CEP128: variants seen among roughly 807,000 people sequenced by gnomAD.
The protein encoded by CEP128 is centrosomal protein 128.
CEP128 carries 132 observed loss-of-function variants against 156.7 expected under a neutral mutation model. The ratio of observed to expected loss-of-function variants is 0.84; its 90% confidence interval spans 0.73 to 0.97. The LOEUF (loss-of-function observed/expected upper bound fraction) is 0.97. Among genes scored for constraint, CEP128 ranks in the 50% least tolerant of loss-of-function variants. The probability of loss-of-function intolerance (pLI) is 0.00; values close to 1 mark genes in which losing one functional copy is unlikely to be tolerated. For missense variants in CEP128, 1,252 were observed against 1,281.9 expected (o/e 0.98, Z 0.36); for synonymous variants, 469 against 448.9 (o/e 1.04, Z -0.57).
chr14:80,638,450 G>T (rs1894279289), intron 19 of CEP128, among the ~76,000 whole-genome samples: 1 of 152,106 alleles, frequency 6.6e-6, no homozygotes, highest in Admixed American at 6.5e-5. Flanking sequence ...GGGCACAGAG[G>T]ACCTGGAATG....
chr14:80,809,733 G>A (rs959488312), intron 13 of CEP128, among the ~76,000 whole-genome samples: 1 of 151,772 alleles, frequency 6.6e-6, no homozygotes, highest in African/African-American at 2.4e-5. Flanking sequence ...AAAAGCAGGG[G>A]AAAAAGCATA....
At chr14:80,546,645 A>T (rs1266640461) in intron 21 of CEP128, among the ~76,000 whole-genome samples, 1 of 152,202 alleles carries the variant, frequency 6.6e-6, no homozygotes. Context: ...TTCTAAAGCC[A>T]CTATATAGTT....
intron 19 of CEP128, among the ~76,000 whole-genome samples, chr14:80,604,016 A>G (rs1440650859): frequency 6.6e-6 from 1 of 152,198 alleles, no homozygotes; most frequent in East Asian, 1.9e-4. Flanking sequence ...AGGTAAAAAC[A>G]AAAAGTTATT....
intron 9 of CEP128, among the ~76,000 whole-genome samples, chr14:80,848,646 TAAG>T (rs1886729680): frequency 1.4e-5 from 2 of 142,782 alleles, no homozygotes; most frequent in South Asian, 4.4e-4. Context: ...GGAGACAGAG[TAAG>T]ACTACATTTC....
chr14:80,868,159 T>A (rs1257758218), intron 8 of CEP128, among the ~76,000 whole-genome samples: 1 of 152,078 alleles, frequency 6.6e-6, no homozygotes. Flanking sequence ...CAAGACAAAA[T>A]GAAAGAATGC....
intron 2 of CEP128, among the ~76,000 whole-genome samples, chr14:80,956,652 A>C (rs1886709934): frequency 6.6e-6 from 1 of 150,498 alleles, no homozygotes; most frequent in African/African-American, 2.5e-5. Context: ...GGACAGTAAA[A>C]CAACCTAGGC....
chr14:80,816,830 A>G (rs1884887067), intron 13 of CEP128, among the ~76,000 whole-genome samples: 1 of 152,150 alleles, frequency 6.6e-6, no homozygotes, highest in African/African-American at 2.4e-5. Flanking sequence ...AAAAAATCAA[A>G]CAAAGAGACG....
chr14:80,848,302 G>C (rs916334617), intron 9 of CEP128, among the ~76,000 whole-genome samples: 19 of 152,154 alleles, frequency 1.2e-4, no homozygotes, highest in Non-Finnish European at 2.4e-4. Flanking sequence ...GAGGTACATG[G>C]TATATCCATG....
intron 23 of CEP128, among the ~76,000 whole-genome samples, chr14:80,506,718 C>T (rs182050873): frequency 9.2e-5 from 14 of 152,022 alleles, no homozygotes; most frequent in Admixed American, 3.3e-4. Flanking sequence ...ATACAATGTA[C>T]GTAAGTGCAA....
At chr14:80,574,981 A>G (rs1891296572) in intron 20 of CEP128, among the ~76,000 whole-genome samples, 1 of 152,060 alleles carries the variant, frequency 6.6e-6, no homozygotes, top group African/African-American at 2.4e-5. Flanking sequence ...ACAGCATGGC[A>G]CTAATGATAT....
chr14:80,553,073 T>G (rs1395740054), intron 21 of CEP128, among the ~76,000 whole-genome samples: 1 of 96,228 alleles, frequency 1.0e-5, no homozygotes, highest in Non-Finnish European at 2.0e-5. Flanking sequence ...TTTTCTTTCT[T>G]TCTTTCTTTC....
intron 19 of CEP128, among the ~76,000 whole-genome samples, chr14:80,669,830 G>T (rs2050313362): frequency 6.6e-6 from 1 of 152,104 alleles, no homozygotes; most frequent in Non-Finnish European, 1.5e-5. Flanking sequence ...ATTCTTGCAT[G>T]GCTACAAAGA....
intron 19 of CEP128, among the ~76,000 whole-genome samples, chr14:80,731,115 A>C (rs1386835821): frequency 1.3e-5 from 2 of 152,256 alleles, no homozygotes; most frequent in Non-Finnish European, 2.9e-5. Flanking sequence ...TTAACAAAAA[A>C]ACTTGATCTC....
chr14:80,946,323 G>GCATCATGATGATGCCTCATGATA (rs1367470054), upstream of CEP128, among the ~76,000 whole-genome samples: 53 of 65,840 alleles, frequency 8.0e-4, no homozygotes, highest in African/African-American at 3.0e-3. Context: ...GCCTCATGAT[G>GCATCATGATGATGCCTCATGATA]CATCATGATG....
intron 16 of CEP128, 81 bp downstream of exon 16, chr14:80,777,801 T>C: frequency 9.0e-7 from 1 of 1,110,798 alleles, no homozygotes; most frequent in Non-Finnish European, 1.3e-6. Context: ...ACAATTATCA[T>C]TTGTTGATAT....
Position 80,836,315 on chromosome 14 carries a change from A to G in CEP128, c.947T>C (p.Leu316Pro). The change falls in exon 12 of 25, where the codon CTT (leucine) becomes CCT (proline). Residue 316 changes from leucine (L) to proline (P), a missense_variant. Coordinates refer to ENST00000555265, the MANE Select transcript of CEP128 (RefSeq NM_152446.5). ...LHQVEELRTQLTKAEGDRKGL... is the reference protein window; with the variant it reads ...LHQVEELRTQPTKAEGDRKGL... ...CTTTCGATCACCTTCTGCTTTCGTA[A>G]GTTGTGTACGCAGTTCTTCTACCTA... 1 of 1,614,060 alleles carries G rather than the reference A, an allele frequency of 6.2e-7. No homozygotes were observed. Among genetic ancestry groups the G allele is most frequent in the Non-Finnish European group, 8.5e-7 (1 of 1,179,982 alleles).
chr14:80,914,722 A>G (rs1429826189), intron 3 of CEP128, among the ~76,000 whole-genome samples: 1 of 152,210 alleles, frequency 6.6e-6, no homozygotes, highest in Non-Finnish European at 1.5e-5. Flanking sequence ...CCCCTCAACC[A>G]ATTCACACCC....
At chr14:80,915,056 A>C (rs1884466311) in intron 3 of CEP128, among the ~76,000 whole-genome samples, 1 of 152,056 alleles carries the variant, frequency 6.6e-6, no homozygotes, top group Non-Finnish European at 1.5e-5. Flanking sequence ...TTACTTACTT[A>C]CTTACTTATT....
intron 2 of CEP128, chr14:80,955,015 C>T (rs1886577907): frequency 6.5e-6 from 1 of 153,814 alleles, no homozygotes; most frequent in South Asian, 2.0e-4. Flanking sequence ...GGAGTGGCCC[C>T]TGCAGTTGGA....
Sources: allele counts gnomAD v4.1 joint callset (sites outside exome capture counted in the v4.1 genomes callset), GRCh38; gene constraint gnomAD v4.1.1; transcripts MANE v1.5; gene names NCBI Gene and HGNC (gene_info 2026-07-23, HGNC 2026-07-21).